Variants in PDE10A observed in about 807,000 individuals in gnomAD.
PDE10A encodes phosphodiesterase 10A.
In PDE10A, 39 loss-of-function variants were observed where a neutral mutation model predicts 97.7. The ratio of observed to expected loss-of-function variants is 0.40; its 90% CI spans 0.31 to 0.52. PDE10A has a LOEUF of 0.52. Among genes scored for constraint, PDE10A ranks in the 20% least tolerant of loss-of-function variants. PDE10A has a pLI of 0.56. For missense variants in PDE10A, 731 were observed against 1,047.8 expected, an observed-to-expected ratio of 0.70 and a Z score of 4.17; for synonymous variants, 371 against 376.8, an observed-to-expected ratio of 0.98 and a Z score of 0.18.
intron 1 of PDE10A, among the ~76,000 whole-genome samples, chr6:165,731,470 G>A (rs1394778078): frequency 2.6e-5 from 4 of 152,112 alleles, no homozygotes; most frequent in Admixed American, 6.6e-5. Flanking sequence ...CAGGAGAAAG[G>A]CCCGAGCTGC....
intron 1 of PDE10A, among the ~76,000 whole-genome samples, chr6:165,652,505 A>T (rs73251590): frequency 0.04 from 6,155 of 152,248 alleles, 388 homozygotes; most frequent in African/African-American, 0.13. Context: ...CTTTTGGATA[A>T]CACTTTAGAT....
At chr6:165,669,456 T>G (rs1790586609) in intron 1 of PDE10A, among the ~76,000 whole-genome samples, 1 of 152,176 alleles carries the variant, frequency 6.6e-6, no homozygotes, top group South Asian at 2.1e-4. Context: ...CCTCCCCCAC[T>G]CCAGAGCTCC....
chr6:165,596,818 G>A (rs1472493669), intron 1 of PDE10A, among the ~76,000 whole-genome samples: 3 of 152,126 alleles, frequency 2.0e-5, no homozygotes, highest in Non-Finnish European at 2.9e-5. Context: ...AATCCTTCAT[G>A]GGGTCCTGAA....
Position 165,592,325 on chromosome 6 carries a change from T to A in PDE10A, c.866-48757A>T, listed in dbSNP as rs1254121206. ...TCAAGATGGATTAAAGACTTAAAAG[T>A]AAGACCTAAAACCATACAAACCCTA... On this transcript the variant is annotated intron_variant, in intron 1 of 21. Transcript: ENST00000539869. Among the ~76,000 whole-genome samples the A allele has an allele frequency of 1.3e-5, 2 of 152,044 alleles. 1 individual carries two copies. The highest frequency in any genetic ancestry group is 1.3e-4 in the Admixed American group (2 of 15,278).
chr6:165,372,626 T>TC (rs936574706), intron 18 of PDE10A, among the ~76,000 whole-genome samples: 10 of 151,142 alleles, frequency 6.6e-5, no homozygotes, highest in African/African-American at 2.2e-4. Context: ...GTAGGAAGAA[T>TC]CAATATTGTG....
intron 2 of PDE10A, among the ~76,000 whole-genome samples, chr6:165,488,673 A>G (rs887729885): frequency 5.3e-5 from 8 of 152,064 alleles, no homozygotes; most frequent in Non-Finnish European, 1.0e-4. Context: ...TTGCTTTCTC[A>G]GATGGAGGCT....
chr6:165,868,400 C>T (rs920485910), intron 1 of PDE10A, among the ~76,000 whole-genome samples: 6 of 151,788 alleles, frequency 4.0e-5, no homozygotes, highest in Admixed American at 6.6e-5. Flanking sequence ...ATATCTAATT[C>T]GAAAACCTAG....
intron 1 of PDE10A, among the ~76,000 whole-genome samples, chr6:165,770,312 A>T (rs140799073): frequency 4.4e-4 from 66 of 151,378 alleles, no homozygotes; most frequent in East Asian, 7.7e-4. Context: ...ACATCTTTTT[A>T]AAAAAAAAGA....
chr6:165,555,261 AAAATCTCT>A (rs1784197413), intron 1 of PDE10A, among the ~76,000 whole-genome samples: 1 of 152,174 alleles, frequency 6.6e-6, no homozygotes, highest in African/African-American at 2.4e-5. Flanking sequence ...TGCCTGTATC[AAAATCTCT>A]CACGTACGCC....
At chr6:165,560,365 T>C (rs993234501) in intron 1 of PDE10A, among the ~76,000 whole-genome samples, 1 of 152,214 alleles carries the variant, frequency 6.6e-6, no homozygotes, top group Non-Finnish European at 1.5e-5. Flanking sequence ...AGAAACTAAA[T>C]TCTGCCAATG....
At chr6:165,630,476 C>T (rs1334996550) in intron 1 of PDE10A, among the ~76,000 whole-genome samples, 6 of 152,242 alleles carry the variant, frequency 3.9e-5, no homozygotes, top group African/African-American at 1.4e-4. Flanking sequence ...GATCTGAATG[C>T]ATTTAAAAAC....
chr6:165,943,230 A>G (rs370503814), intron 1 of PDE10A, among the ~76,000 whole-genome samples: 2,845 of 39,160 alleles, frequency 0.073, 71 homozygotes, highest in Non-Finnish European at 0.091. Context: ...AAAGAAAGAA[A>G]GAAAGAAGGA....
chr6:165,936,775 A>G (rs1278609902), intron 1 of PDE10A, among the ~76,000 whole-genome samples: 2 of 152,188 alleles, frequency 1.3e-5, no homozygotes, highest in Non-Finnish European at 2.9e-5. Context: ...GAGAATGAGT[A>G]GAGACTTACT....
intron 1 of PDE10A, among the ~76,000 whole-genome samples, chr6:165,586,550 G>A (rs1225598444): frequency 8.6e-5 from 13 of 151,630 alleles, no homozygotes; most frequent in Admixed American, 7.2e-4. Flanking sequence ...AGGCCTAAAA[G>A]AAGAAAAGCA....
chr6:165,609,374 T>C (rs1415568526), intron 1 of PDE10A, among the ~76,000 whole-genome samples: 1 of 152,190 alleles, frequency 6.6e-6, no homozygotes, highest in Non-Finnish European at 1.5e-5. Context: ...TAATAACAGC[T>C]ATTTATGACA....
At chr6:165,929,602 T>A (rs920236) in intron 1 of PDE10A, among the ~76,000 whole-genome samples, 14,326 of 152,230 alleles carry the variant, frequency 0.094, 865 homozygotes, top group African/African-American at 0.14. Flanking sequence ...GTGCAGGGCC[T>A]TCAGTGCTGC....
intron 1 of PDE10A, among the ~76,000 whole-genome samples, chr6:165,914,713 G>C (rs1023257372): frequency 6.6e-6 from 1 of 152,188 alleles, no homozygotes. Flanking sequence ...AGATTTGCCC[G>C]TTTCAGTTTC....
chr6:165,894,001 T>A lies in PDE10A; in HGVS notation c.-615+93528A>T, dbSNP rs530332934. Among the ~76,000 whole-genome samples, 4 of 152,168 alleles carry A rather than the reference T, an allele frequency of 2.6e-5. 1 individual carries two copies. In the South Asian group the frequency reaches 8.3e-4, roughly 31 times the overall value. ...AACTCTCTTGGTGCAGACCAAGTGA[T>A]GTGTTCATGGCCCTGGGCACCTTGT... On this transcript the variant is annotated intron_variant, in intron 1 of 19. Transcript: ENST00000366882.
chr6:165,902,196 A>G (rs896138343), intron 1 of PDE10A, among the ~76,000 whole-genome samples: 1 of 152,240 alleles, frequency 6.6e-6, no homozygotes, highest in Non-Finnish European at 1.5e-5. Flanking sequence ...CTTTGTTCAG[A>G]AAAGCCCACC....
Sources: allele counts gnomAD v4.1 joint callset (sites outside exome capture counted in the v4.1 genomes callset), GRCh38; gene constraint gnomAD v4.1.1; transcripts MANE v1.5; gene names NCBI Gene and HGNC (gene_info 2026-07-23, HGNC 2026-07-21).